Variants in LDLRAD4 observed in about 807,000 individuals in gnomAD.
LDLRAD4 encodes low density lipoprotein receptor class A domain containing 4, also known as low-density lipoprotein receptor class A domain-containing protein 4.
In LDLRAD4, 5 loss-of-function variants were observed where a neutral mutation model predicts 17.0. The observed-to-expected ratio is 0.29, with a 90% confidence interval of 0.15 to 0.62. The LOEUF (loss-of-function observed/expected upper bound fraction) is 0.62, where lower values mean the gene tolerates loss of function less well. Ranked by LOEUF, LDLRAD4 falls within the 20% of genes least tolerant of loss-of-function variation. The pLI is 0.84. For missense variants in LDLRAD4, 340 were observed against 424.7 expected, an observed-to-expected ratio of 0.80 and a Z score of 1.75; for synonymous variants, 168 against 171.8, an observed-to-expected ratio of 0.98 and a Z score of 0.17.
At chr18:13,641,773 C>A in intron 4 of LDLRAD4, 1 of 985,524 alleles carries the variant, frequency 1.0e-6, no homozygotes, top group Non-Finnish European at 1.2e-6. Flanking sequence ...GCCTCGGGGG[C>A]GCAGCCGGAC....
At chr18:13,377,321 C>G (rs1415248449) in intron 1 of LDLRAD4, among the ~76,000 whole-genome samples, 2 of 152,210 alleles carry the variant, frequency 1.3e-5, no homozygotes, top group African/African-American at 4.8e-5. Context: ...ACTGACTAGG[C>G]TGCGTCACGT....
At chr18:13,240,936 C>A (rs1006305987) in intron 1 of LDLRAD4, 2 of 148,200 alleles carry the variant, frequency 1.3e-5, no homozygotes, top group African/African-American at 4.9e-5. Context: ...CTTTTCTTTT[C>A]TTTTTTTTTT....
At chr18:13,588,759 G>A (rs190699459) in intron 3 of LDLRAD4, among the ~76,000 whole-genome samples, 201 of 152,148 alleles carry the variant, frequency 1.3e-3, no homozygotes, top group Non-Finnish European at 2.6e-3. Context: ...GTCACCGCTA[G>A]TTTCTTGAAA....
chr18:13,358,398 T>G (rs2083467889), intron 1 of LDLRAD4, among the ~76,000 whole-genome samples: 1 of 152,176 alleles, frequency 6.6e-6, no homozygotes, highest in Non-Finnish European at 1.5e-5. Flanking sequence ...TGTGAATGCC[T>G]GTTGATATAT....
At chr18:13,292,907 TG>T (rs2046046129) in intron 1 of LDLRAD4, among the ~76,000 whole-genome samples, 1 of 152,052 alleles carries the variant, frequency 6.6e-6, no homozygotes, top group Non-Finnish European at 1.5e-5. Context: ...ACCCCGGGGA[TG>T]CCCGGAAATG....
intron 3 of LDLRAD4, among the ~76,000 whole-genome samples, chr18:13,453,025 G>A (rs2091928079): frequency 6.6e-6 from 1 of 152,204 alleles, no homozygotes; most frequent in Non-Finnish European, 1.5e-5. Context: ...CTTGTGCTCT[G>A]CTCAGCATGG....
chr18:13,242,990 C>T (rs941551092), intron 1 of LDLRAD4, among the ~76,000 whole-genome samples: 4 of 152,230 alleles, frequency 2.6e-5, no homozygotes, highest in South Asian at 2.1e-4. Context: ...GCCTGCTCTG[C>T]GCCTGGCGCC....
At chr18:13,433,261 C>A (rs2090457655) in intron 2 of LDLRAD4, among the ~76,000 whole-genome samples, 1 of 152,172 alleles carries the variant, frequency 6.6e-6, no homozygotes, top group Admixed American at 6.5e-5. Flanking sequence ...AGAGCAGGTT[C>A]TAGACTTTAA....
chr18:13,494,674 A>T (rs375013101), intron 3 of LDLRAD4, among the ~76,000 whole-genome samples: 321 of 4,512 alleles, frequency 0.071, 25 homozygotes, highest in East Asian at 0.23. Context: ...ATATTTAATA[A>T]TATAATATAT....
At chr18:13,459,890 G>A (rs1418271109) in intron 3 of LDLRAD4, 1 of 154,124 alleles carries the variant, frequency 6.5e-6, no homozygotes, top group Non-Finnish European at 1.5e-5. Context: ...TCGTAGCCTA[G>A]TCTCATCGTT....
chr18:13,287,921 C>T (rs1235645102), intron 1 of LDLRAD4, among the ~76,000 whole-genome samples: 1 of 152,152 alleles, frequency 6.6e-6, no homozygotes, highest in Non-Finnish European at 1.5e-5. Context: ...CAAAATGTAC[C>T]TGCATAACTA....
At chr18:13,544,885 CTT>C (rs58284452) in intron 3 of LDLRAD4, among the ~76,000 whole-genome samples, 50,583 of 122,982 alleles carry the variant, frequency 0.41, 10,083 homozygotes, top group East Asian at 0.47. Context: ...GATGGTTTGT[CTT>C]TTTTTTTTTT....
chr18:13,557,517 C>T (rs1216422576), intron 3 of LDLRAD4, among the ~76,000 whole-genome samples: 1 of 152,206 alleles, frequency 6.6e-6, no homozygotes, highest in East Asian at 1.9e-4. Flanking sequence ...TCTCCTGCCT[C>T]AGCCTCCCAA....
At chr18:13,275,039 C>CA (rs11396175), upstream of LDLRAD4, among the ~76,000 whole-genome samples, 18,594 of 129,268 alleles carry the variant, frequency 0.14, 1,202 homozygotes, top group African/African-American at 0.17. Context: ...GACCCTGTTT[C>CA]AAAAAAAAAA....
At chr18:13,570,313 G>A (rs566766787) in intron 3 of LDLRAD4, among the ~76,000 whole-genome samples, 1 of 152,174 alleles carries the variant, frequency 6.6e-6, no homozygotes, top group East Asian at 1.9e-4. Context: ...CCACTACCTG[G>A]CTCGGGTCTC....
chr18:13,311,590 T>C (rs1256589207), intron 1 of LDLRAD4, among the ~76,000 whole-genome samples: 1 of 152,154 alleles, frequency 6.6e-6, no homozygotes, highest in Non-Finnish European at 1.5e-5. Flanking sequence ...GGATATTTCG[T>C]AGAGGTCTTT....
chr18:13,323,105 G>A (rs1480471639), intron 1 of LDLRAD4, among the ~76,000 whole-genome samples: 1 of 152,198 alleles, frequency 6.6e-6, no homozygotes, highest in Non-Finnish European at 1.5e-5. Context: ...GTGGGAAGAG[G>A]AGTAGTAGAA....
intron 3 of LDLRAD4, among the ~76,000 whole-genome samples, chr18:13,517,378 CAT>C (rs1253382487): frequency 6.6e-6 from 1 of 152,214 alleles, no homozygotes; most frequent in Non-Finnish European, 1.5e-5. Context: ...GCACGATACA[CAT>C]GAGTAATGAT....
At chr18:13,470,772 C>T (rs2146744570) in intron 3 of LDLRAD4, 1 of 152,136 alleles carries the variant, frequency 6.6e-6, no homozygotes, top group South Asian at 2.1e-4. Flanking sequence ...AGCCACCCTC[C>T]TCAGCCACAC....
Sources: allele counts gnomAD v4.1 joint callset (sites outside exome capture counted in the v4.1 genomes callset), GRCh38; gene constraint gnomAD v4.1.1; transcripts MANE v1.5; gene names NCBI Gene and HGNC (gene_info 2026-07-23, HGNC 2026-07-21).